The following TMPRSS15 variants were observed in gnomAD, a reference collection of about 807,000 sequenced individuals.
TMPRSS15 encodes the protein transmembrane serine protease 15.
In TMPRSS15, 128 loss-of-function variants were observed where a neutral mutation model predicts 125.3. The observed-to-expected ratio is 1.02, with a 90% CI of 0.89 to 1.18. The LOEUF (loss-of-function observed/expected upper bound fraction) is 1.18. Among genes scored for constraint, TMPRSS15 ranks in the 50% most tolerant of loss-of-function variants. The pLI is 0.00. For missense variants in TMPRSS15, 1,283 were observed against 1,212.7 expected (o/e 1.06, Z -0.86); for synonymous variants, 446 against 423.2 (o/e 1.05, Z -0.66).
At chr21:18,355,871 T>C (rs138259589) in intron 8 of TMPRSS15, among the ~76,000 whole-genome samples, 302 of 151,950 alleles carry the variant, frequency 2.0e-3, no homozygotes, top group African/African-American at 6.6e-3. Flanking sequence ...TACCAAAGCA[T>C]AGGAGATTTT....
intron 18 of TMPRSS15, among the ~76,000 whole-genome samples, chr21:18,305,373 A>G (rs919791853): frequency 6.6e-6 from 1 of 151,740 alleles, no homozygotes; most frequent in African/African-American, 2.4e-5. Context: ...TATTTTTAGT[A>G]GAGACGGGGT....
chr21:18,368,626 G>C (rs2075762238), intron 6 of TMPRSS15, among the ~76,000 whole-genome samples: 1 of 152,134 alleles, frequency 6.6e-6, no homozygotes, highest in South Asian at 2.1e-4. Flanking sequence ...AACTGTTATT[G>C]TTAAGATTGT....
At chr21:18,296,566 T>C (rs1331195696) in intron 19 of TMPRSS15, among the ~76,000 whole-genome samples, 1 of 152,214 alleles carries the variant, frequency 6.6e-6, no homozygotes, top group Non-Finnish European at 1.5e-5. Flanking sequence ...TTGATAAGCA[T>C]AGAATAAGCT....
intron 1 of TMPRSS15, among the ~76,000 whole-genome samples, chr21:18,482,789 C>T (rs78650444): frequency 0.032 from 4,805 of 151,636 alleles, 261 homozygotes; most frequent in African/African-American, 0.11. Flanking sequence ...TAGGAAATCT[C>T]AATTCAACTG....
At chr21:18,278,940 T>TC in intron 23 of TMPRSS15, 24 bp downstream of exon 23, 1 of 959,522 alleles carries the variant, frequency 1.0e-6, no homozygotes, top group Non-Finnish European at 1.6e-6. Context: ...TTTTTTTTTT[T>TC]TTTTTTTGAG....
chr21:18,317,036 G>C (rs898676565), intron 16 of TMPRSS15, among the ~76,000 whole-genome samples: 2 of 152,126 alleles, frequency 1.3e-5, no homozygotes, highest in Non-Finnish European at 2.9e-5. Context: ...AAACAGGGAA[G>C]CTTCTATTTT....
At chr21:18,356,698 G>T (rs887930271) in intron 8 of TMPRSS15, among the ~76,000 whole-genome samples, 1 of 151,796 alleles carries the variant, frequency 6.6e-6, no homozygotes, top group Non-Finnish European at 1.5e-5. Flanking sequence ...GTACTTCTGA[G>T]TATACATAAA....
intron 1 of TMPRSS15, among the ~76,000 whole-genome samples, chr21:18,475,661 G>T (rs2123287310): frequency 6.6e-6 from 1 of 152,250 alleles, no homozygotes; most frequent in African/African-American, 2.4e-5. Flanking sequence ...AATAAAAGGA[G>T]ATTTCAATAA....
At chr21:18,335,051 A>G (rs2075378998) in intron 13 of TMPRSS15, among the ~76,000 whole-genome samples, 1 of 152,232 alleles carries the variant, frequency 6.6e-6, no homozygotes, top group African/African-American at 2.4e-5. Context: ...CTAATTTACA[A>G]AGATTTCAGA....
intron 21 of TMPRSS15, among the ~76,000 whole-genome samples, chr21:18,285,585 C>T (rs369103790): frequency 7.2e-5 from 11 of 152,058 alleles, no homozygotes; most frequent in East Asian, 1.9e-4. Context: ...CTAGCCAATT[C>T]GAATATTTAA....
chr21:18,378,994 C>T (rs1182129863), intron 5 of TMPRSS15, among the ~76,000 whole-genome samples: 2 of 152,002 alleles, frequency 1.3e-5, no homozygotes, highest in Non-Finnish European at 2.9e-5. Context: ...TTAGTTGAAA[C>T]CTTTTGATAC....
intron 3 of TMPRSS15, 129 bp downstream of exon 3, chr21:18,397,750 C>T: frequency 5.4e-6 from 3 of 556,314 alleles, no homozygotes; most frequent in Non-Finnish European, 9.7e-6. Context: ...TGCCACTTTG[C>T]TTAATCCTCA....
intron 8 of TMPRSS15, among the ~76,000 whole-genome samples, chr21:18,355,480 C>A (rs2147012404): frequency 6.6e-6 from 1 of 151,900 alleles, no homozygotes; most frequent in Middle Eastern, 3.4e-3. Context: ...AGAGATTTTA[C>A]AAAACTTTCA....
chr21:18,423,339 A>C (rs2076196085), intron 1 of TMPRSS15, among the ~76,000 whole-genome samples: 1 of 151,414 alleles, frequency 6.6e-6, no homozygotes, highest in African/African-American at 2.4e-5. Context: ...TCCTCTGACC[A>C]TACCCTTTTT....
intron 21 of TMPRSS15, 119 bp from the exon 22 acceptor site, chr21:18,281,340 T>A: frequency 1.1e-6 from 1 of 888,430 alleles, no homozygotes; most frequent in Non-Finnish European, 1.8e-6. Flanking sequence ...TTAATTTCTC[T>A]GAAGAATCAT....
In TMPRSS15 at chr21:18,365,657, T is replaced by C. The variant is rs184482567; in HGVS notation, c.665-409A>G. 1.5e-4 allele frequency among the ~76,000 whole-genome samples: 17 copies of C among 116,560 alleles called. 1 individual carries two copies. Among genetic ancestry groups the C allele is most frequent in the Non-Finnish European group, 2.7e-4 (15 of 55,222 alleles). The allele number at this position is 116,560 out of a possible 152,430, so 76.5% of individuals were successfully genotyped here. A position where few individuals can be genotyped will look rare whatever the true frequency, so the allele number is the denominator to read the frequency against. The stretch of plus-strand genomic sequence containing the variant: ...TTCTCTCTCTTTTTCCTCCCTTCCT[T>C]CCTTCCTTCCTTCCTTCCTTCCTTC... On this transcript the variant is annotated intron_variant, in intron 6 of 24. Transcript: ENST00000284885.
chr21:18,344,200 A>G (rs2075481604), intron 10 of TMPRSS15, 140 bp from the exon 11 acceptor site: 1 of 735,902 alleles, frequency 1.4e-6, no homozygotes. Flanking sequence ...ACAGGACACT[A>G]GACTCGAGCT....
chr21:18,271,513 A>AGTCT (rs1284183942), intron 24 of TMPRSS15, among the ~76,000 whole-genome samples: 2 of 152,170 alleles, frequency 1.3e-5, no homozygotes, highest in Non-Finnish European at 2.9e-5. Flanking sequence ...GGGAGACCTC[A>AGTCT]GTCTGTTTCC....
At position 18,281,108 on chromosome 21, in the gene TMPRSS15, T is replaced by C; in HGVS notation, c.2600A>G (p.His867Arg). Reference protein sequence around the residue: ...RLIDEIVINPHYNRRRKDNDI... With the variant: ...RLIDEIVINPRYNRRRKDNDI... The stretch of plus-strand genomic sequence containing the variant: ...GTTGTCCTTTCTTCGCCTATTGTAA[T>C]GAGGGTTTATGACAATTTCATCTAT... Residue 867 changes from histidine to arginine, a missense_variant, in exon 22 of 25, where the codon CAT becomes CGT. Transcript: ENST00000284885. 6.2e-7 allele frequency: 1 copy of C among 1,614,112 alleles called. No homozygotes were observed. Among genetic ancestry groups the C allele is most frequent in the Non-Finnish European group, 8.5e-7 (1 of 1,180,006 alleles).
Sources: allele counts gnomAD v4.1 joint callset (sites outside exome capture counted in the v4.1 genomes callset), GRCh38; gene constraint gnomAD v4.1.1; transcripts MANE v1.5; gene names NCBI Gene and HGNC (gene_info 2026-07-23, HGNC 2026-07-21).